The following NME7 variants were observed in gnomAD, a reference collection of about 807,000 sequenced individuals.
The protein encoded by NME7 is nucleoside diphosphate kinase 7.
NME7 carries 41 observed loss-of-function variants against 49.1 expected under a neutral mutation model. The observed-to-expected ratio is 0.83, with a 90% CI of 0.65 to 1.08. The LOEUF is 1.08. NME7 is among the 50% of genes least tolerant of loss of function. The probability of loss-of-function intolerance (pLI) is 0.00; values close to 1 mark genes in which losing one functional copy is unlikely to be tolerated. For missense variants in NME7, 423 were observed against 463.4 expected, an observed-to-expected ratio of 0.91 and a Z score of 0.80; for synonymous variants, 139 against 150.6, an observed-to-expected ratio of 0.92 and a Z score of 0.56.
At chr1:169,183,036 A>T (rs1340225953) in intron 10 of NME7, among the ~76,000 whole-genome samples, 3 of 152,250 alleles carry the variant, frequency 2.0e-5, no homozygotes, top group Admixed American at 2.0e-4. Flanking sequence ...GAGAATGGAA[A>T]TGAGAACTCT....
At position 169,367,612 on chromosome 1, in the gene NME7, GGA is replaced by G. The variant is rs1653928719; in HGVS notation, c.3+94_3+95del. ...AGAGATAACGGGGAGAAGGTCGGGAGGACCGGACAACTTTAAGTGCCCATCCG... is the reference window on the plus strand; with the variant it reads ...AGAGATAACGGGGAGAAGGTCGGGAGCCGGACAACTTTAAGTGCCCATCCG... On this transcript the variant is annotated intron_variant, in intron 1 of 11. Transcript: ENST00000367811. 3.6e-6 allele frequency: 5 copies of G among 1,385,472 alleles called. No individual in the cohort carries two copies. In the African/African-American group the frequency reaches 7.1e-5, roughly 20 times the overall value. The allele number at this position is 1,385,472 out of a possible 1,614,324, so 85.8% of individuals were successfully genotyped here. A position where few individuals can be genotyped will look rare whatever the true frequency, so the allele number is the denominator to read the frequency against.
intron 10 of NME7, among the ~76,000 whole-genome samples, chr1:169,180,727 A>C (rs901158981): frequency 6.6e-6 from 1 of 152,242 alleles, no homozygotes; most frequent in Non-Finnish European, 1.5e-5. Context: ...ATTTTAACAA[A>C]ATAATTTATT....
At chr1:169,163,910 ACCAT>A (rs1490354662) in intron 11 of NME7, among the ~76,000 whole-genome samples, 11 of 152,112 alleles carry the variant, frequency 7.2e-5, no homozygotes, top group African/African-American at 2.7e-4. Context: ...GGCGATCAAG[ACCAT>A]CCTGGCTAAC....
intron 11 of NME7, among the ~76,000 whole-genome samples, chr1:169,138,121 G>A (rs993054929): frequency 6.6e-6 from 1 of 151,934 alleles, no homozygotes; most frequent in African/African-American, 2.4e-5. Context: ...GACCAGCCTG[G>A]CCAACATGGC....
chr1:169,316,169 G>T (rs956681316), intron 3 of NME7, among the ~76,000 whole-genome samples: 4 of 151,860 alleles, frequency 2.6e-5, no homozygotes, highest in Non-Finnish European at 5.9e-5. Context: ...AGCAAATGTT[G>T]TTTCTATCAA....
chr1:169,272,449 C>A (rs903520518), intron 7 of NME7, among the ~76,000 whole-genome samples: 2 of 99,930 alleles, frequency 2.0e-5, no homozygotes, highest in East Asian at 6.0e-4. Flanking sequence ...TCCCTCCCCC[C>A]GCCCCCCATG....
At chr1:169,187,273 G>C (rs1208989183) in intron 10 of NME7, among the ~76,000 whole-genome samples, 1 of 152,122 alleles carries the variant, frequency 6.6e-6, no homozygotes, top group East Asian at 1.9e-4. Context: ...GCTTGGTCCA[G>C]AGTTGAGTTC....
At chr1:169,198,212 G>C (rs1571283785) in intron 10 of NME7, among the ~76,000 whole-genome samples, 1 of 151,976 alleles carries the variant, frequency 6.6e-6, no homozygotes, top group African/African-American at 2.4e-5. Flanking sequence ...ACATATACTG[G>C]TGAGAATATG....
intron 7 of NME7, among the ~76,000 whole-genome samples, chr1:169,283,049 T>G (rs1397204642): frequency 6.6e-6 from 1 of 152,122 alleles, no homozygotes; most frequent in East Asian, 1.9e-4. Context: ...ACTGGGGTGT[T>G]AAATTCTCCC....
At chr1:169,196,200 C>T (rs1484792169) in intron 10 of NME7, among the ~76,000 whole-genome samples, 1 of 152,216 alleles carries the variant, frequency 6.6e-6, no homozygotes, top group Non-Finnish European at 1.5e-5. Context: ...AATATTCTTA[C>T]AACTATATTC....
chr1:169,334,376 T>C (rs1351820023), intron 1 of NME7, among the ~76,000 whole-genome samples: 21 of 152,090 alleles, frequency 1.4e-4, no homozygotes, highest in Admixed American at 1.4e-3. Context: ...CATACACCAA[T>C]GGAGCAGAAT....
intron 10 of NME7, among the ~76,000 whole-genome samples, chr1:169,175,064 G>A (rs1228812141): frequency 3.3e-5 from 5 of 151,742 alleles, no homozygotes. Context: ...ACATTGTACA[G>A]CTGTACAAAA....
At chr1:169,143,396 C>T (rs1336586739) in intron 11 of NME7, among the ~76,000 whole-genome samples, 2 of 151,278 alleles carry the variant, frequency 1.3e-5, no homozygotes, top group African/African-American at 4.9e-5. Flanking sequence ...CTACCTTTTT[C>T]CTCAGCTGAC....
chr1:169,192,581 G>A (rs1007535649), intron 10 of NME7, among the ~76,000 whole-genome samples: 13 of 152,162 alleles, frequency 8.5e-5, no homozygotes, highest in Admixed American at 2.6e-4. Context: ...CTCAAATACC[G>A]AGGAGTACTT....
intron 6 of NME7, 94 bp from the exon 7 acceptor site, chr1:169,287,502 T>C (rs1289392960): frequency 1.1e-6 from 1 of 902,810 alleles, no homozygotes; most frequent in East Asian, 2.6e-5. Context: ...GCAATTACTT[T>C]TAGAGTTTCA....
intron 11 of NME7, among the ~76,000 whole-genome samples, chr1:169,143,580 C>G (rs569769268): frequency 6.6e-6 from 1 of 152,186 alleles, no homozygotes; most frequent in Admixed American, 6.5e-5. Flanking sequence ...CTGCCTTCCT[C>G]ATTAGACTAT....
At chr1:169,254,505 A>G (rs1169562320) in intron 7 of NME7, among the ~76,000 whole-genome samples, 2 of 151,686 alleles carry the variant, frequency 1.3e-5, no homozygotes, top group Non-Finnish European at 2.9e-5. Flanking sequence ...TGATCCTTTC[A>G]AAAAACCAGC....
At chr1:169,151,467 T>G (rs1395093968) in intron 11 of NME7, among the ~76,000 whole-genome samples, 1 of 152,128 alleles carries the variant, frequency 6.6e-6, no homozygotes, top group East Asian at 1.9e-4. Context: ...GAACTTGACC[T>G]ACTGGAGGTG....
chr1:169,203,275 A>G (rs755441864), intron 10 of NME7, among the ~76,000 whole-genome samples: 7 of 152,176 alleles, frequency 4.6e-5, no homozygotes, highest in East Asian at 3.9e-4. Flanking sequence ...CCAGCCCTCA[A>G]TGTTTTCTTA....
Sources: gnomAD v4.1 joint callset for allele counts (sites outside exome capture counted in the v4.1 genomes callset) on GRCh38, gnomAD v4.1.1 for gene constraint, MANE v1.5 for transcripts, NCBI Gene and HGNC (gene_info 2026-07-23, HGNC 2026-07-21) for gene names.